The following EHMT1 variants were observed in gnomAD, a reference collection of about 807,000 sequenced individuals.
EHMT1 encodes the protein histone-lysine N-methyltransferase EHMT1.
EHMT1 carries 15 observed loss-of-function variants against 147.2 expected under a neutral mutation model. That is an observed-to-expected ratio of 0.10 (90% CI 0.07 to 0.16). EHMT1 has a LOEUF of 0.16. Among genes scored for constraint, EHMT1 ranks in the 10% least tolerant of loss-of-function variants. EHMT1 has a pLI of 1.00. For synonymous variants in EHMT1, 795 were observed against 709.6 expected (o/e 1.12, Z -1.91); for missense variants, 1,587 against 1,772.4 (o/e 0.90, Z 1.88).
chr9:137,679,095 A>G (rs1941685222), intron 1 of EHMT1, among the ~76,000 whole-genome samples: 1 of 152,098 alleles, frequency 6.6e-6, no homozygotes, highest in Non-Finnish European at 1.5e-5. Flanking sequence ...CTGGGACTAC[A>G]GGCACACGCC....
At chr9:137,711,114 C>T (rs947730194) in intron 2 of EHMT1, 84 bp downstream of exon 2, 43 of 1,409,288 alleles carry the variant, frequency 3.1e-5, no homozygotes, top group Non-Finnish European at 3.7e-5. Flanking sequence ...TTATTAGTCC[C>T]CGTCTTCTGA....
chr9:137,791,864 T>G (rs1952551901), intron 16 of EHMT1, among the ~76,000 whole-genome samples: 1 of 152,162 alleles, frequency 6.6e-6, no homozygotes, highest in Non-Finnish European at 1.5e-5. Flanking sequence ...CCCTAGTAGC[T>G]GAGATTACAG....
intron 1 of EHMT1, among the ~76,000 whole-genome samples, chr9:137,694,524 T>C (rs1383678396): frequency 6.6e-6 from 1 of 151,866 alleles, no homozygotes; most frequent in East Asian, 1.9e-4. Flanking sequence ...GTCGGCAGTC[T>C]TGTTGGTCAG....
At chr9:137,644,386 G>T (rs957444993) in intron 1 of EHMT1, among the ~76,000 whole-genome samples, 1 of 151,432 alleles carries the variant, frequency 6.6e-6, no homozygotes, top group South Asian at 2.1e-4. Flanking sequence ...GTGCAGTGGC[G>T]TAATTTTGGC....
At chr9:137,654,892 C>T in intron 1 of EHMT1, among the ~76,000 whole-genome samples, 1 of 152,154 alleles carries the variant, frequency 6.6e-6, no homozygotes, top group East Asian at 1.9e-4. Flanking sequence ...GATGCTGATG[C>T]CTATGGCTTA....
chr9:137,800,793 G>T, intron 17 of EHMT1, 87 bp from the exon 18 acceptor site: 1 of 1,163,928 alleles, frequency 8.6e-7, no homozygotes, highest in South Asian at 1.3e-5. Context: ...TACCTGGGAG[G>T]TGCAGAGACC....
At chr9:137,702,074 G>T (rs1943885048) in intron 1 of EHMT1, among the ~76,000 whole-genome samples, 1 of 152,100 alleles carries the variant, frequency 6.6e-6, no homozygotes, top group African/African-American at 2.4e-5. Context: ...GATTACAGAT[G>T]TGAGCCACTG....
At chr9:137,662,842 G>A (rs907327766) in intron 1 of EHMT1, among the ~76,000 whole-genome samples, 1 of 149,000 alleles carries the variant, frequency 6.7e-6, no homozygotes, top group Admixed American at 6.8e-5. Context: ...CACCCAGGCT[G>A]GAGTGCAATG....
intron 1 of EHMT1, among the ~76,000 whole-genome samples, chr9:137,629,595 G>C (rs568503602): frequency 6.6e-6 from 1 of 152,020 alleles, no homozygotes; most frequent in Non-Finnish European, 1.5e-5. Context: ...GGGTTTCACT[G>C]TGTTAGCCAG....
chr9:137,716,060 GGGGGGAGGAAATTGTGGTGTCGTGGT>G (rs1333070356), intron 2 of EHMT1, among the ~76,000 whole-genome samples: 12 of 111,792 alleles, frequency 1.1e-4, no homozygotes, highest in East Asian at 8.2e-4. Flanking sequence ...GTGTCATGGT[GGGGGGAGGAAATTGTGGTGTCGTGGT>G]GGGGGAGGAA....
chr9:137,820,565 T>C (rs903842689), intron 25 of EHMT1, among the ~76,000 whole-genome samples: 1 of 152,262 alleles, frequency 6.6e-6, no homozygotes, highest in African/African-American at 2.4e-5. Flanking sequence ...GTGATATTTT[T>C]TTGAAAACTT....
chr9:137,787,085 C>G lies in EHMT1; in HGVS notation c.2383-3763C>G, dbSNP rs918669313. ...GCTGCCCTTCGGTGTCCTGGTCCCT[C>G]GTGTTGCAAGATTTCATGCCGTGTC... On this transcript the variant is annotated intron_variant, in intron 15 of 26. Coordinates refer to ENST00000460843, the MANE Select transcript of EHMT1 (RefSeq NM_024757.5). This position sits in a 1 kb window ranked among gnomAD's most constrained non-coding sequence, Gnocchi z 4.2. 6.6e-6 allele frequency: 1 copy of G among 152,430 alleles called. No homozygotes were observed. The highest frequency in any genetic ancestry group is 1.5e-5 in the Non-Finnish European group (1 of 68,236). 9.4% of individuals were successfully genotyped at this position (152,430 alleles called of 1,614,324 possible).
At position 137,828,805 on chromosome 9, in the gene EHMT1, A is replaced by G. The variant is rs1180134171; in HGVS notation, c.3541-5544A>G. On this transcript the variant is annotated intron_variant, in intron 25 of 26. Coordinates refer to ENST00000460843, the MANE Select transcript of EHMT1 (RefSeq NM_024757.5). The surrounding 1 kb of genome is among the most constrained non-coding windows in gnomAD (Gnocchi z 5.3). ...CCAGCCCTGGGGCCTCATGTCTGCAATGAGCCCTTGGTGGCTCTGAGCAGT... is the reference window on the plus strand; with the variant it reads ...CCAGCCCTGGGGCCTCATGTCTGCAGTGAGCCCTTGGTGGCTCTGAGCAGT... Among the ~76,000 whole-genome samples the G allele has an allele frequency of 6.6e-6, 1 of 152,126 alleles. No homozygotes were observed.
rs527896605 is a variant in EHMT1, at chr9:137,711,269, T to C, written c.85+239T>C. Among the ~76,000 whole-genome samples the C allele has an allele frequency of 6.0e-4, 91 of 152,270 alleles. No homozygotes were observed. The South Asian group carries it at 0.012, about 20-fold the overall frequency. On this transcript the variant is annotated intron_variant, in intron 2 of 26. Coordinates refer to ENST00000460843, the MANE Select transcript of EHMT1 (RefSeq NM_024757.5). ...GAAAAGCAAAAATCCTGTATATCCT[T>C]GTCTTAAAGTACACCCAGAAAATTA...
At chr9:137,807,988 CTCT>C (rs1954092662) in intron 18 of EHMT1, among the ~76,000 whole-genome samples, 2 of 152,226 alleles carry the variant, frequency 1.3e-5, no homozygotes, top group Admixed American at 6.5e-5. Context: ...GTGCTAAGGA[CTCT>C]TCTTCGTGTG....
chr9:137,623,070 G>A (rs540329410), intron 1 of EHMT1, among the ~76,000 whole-genome samples: 37 of 151,458 alleles, frequency 2.4e-4, no homozygotes, highest in African/African-American at 8.5e-4. Flanking sequence ...AAAATTAGCC[G>A]GGTGTGGTGG....
intron 15 of EHMT1, chr9:137,788,162 A>C: frequency 2.4e-6 from 2 of 818,030 alleles, no homozygotes; most frequent in South Asian, 2.2e-5. Context: ...CCTTCTCCCC[A>C]CTGCACCCCG....
At chr9:137,753,188 A>T (rs1949110983) in intron 7 of EHMT1, among the ~76,000 whole-genome samples, 1 of 151,870 alleles carries the variant, frequency 6.6e-6, no homozygotes. Flanking sequence ...GGGTCACATG[A>T]ATTGGGAAAT....
rs766975894 is a variant in EHMT1, at chr9:137,800,871, C to T, written c.2608-9C>T. 3.1e-6 allele frequency: 5 copies of T among 1,613,690 alleles called. No homozygotes were observed. Among genetic ancestry groups the T allele is most frequent in the African/African-American group, 2.7e-5 (2 of 74,890 alleles). On this transcript the variant is annotated splice_polypyrimidine_tract_variant and intron_variant, in intron 17 of 26. Transcript: ENST00000460843. The stretch of plus-strand genomic sequence containing the variant: ...GGAGCGATGACAGCTTTGTCCTCTT[C>T]CCTGGCAGGATGACGGAGGCTGGAC...
Sources: allele counts gnomAD v4.1 joint callset (sites outside exome capture counted in the v4.1 genomes callset), GRCh38; gene constraint gnomAD v4.1.1; non-coding constraint Gnocchi (gnomAD v3.1); transcripts MANE v1.5; gene names NCBI Gene and HGNC (gene_info 2026-07-23, HGNC 2026-07-21).